Variants in PALM2AKAP2 observed in about 807,000 individuals in gnomAD.
PALM2AKAP2 encodes the protein PALM2 and AKAP2 fusion.
Under a neutral mutation model 71.5 loss-of-function variants are expected in PALM2AKAP2, and 37 were observed. The observed-to-expected ratio is 0.52, with a 90% CI of 0.40 to 0.68. PALM2AKAP2 has a LOEUF of 0.68. PALM2AKAP2 is among the 30% of genes least tolerant of loss of function. PALM2AKAP2 has a pLI of 0.00. For missense variants in PALM2AKAP2, 1,224 were observed against 1,191.8 expected (o/e 1.03, Z -0.40); for synonymous variants, 468 against 478.8 (o/e 0.98, Z 0.29).
intron 6 of PALM2AKAP2, among the ~76,000 whole-genome samples, chr9:109,974,913 C>G (rs1384553344): frequency 2.0e-5 from 3 of 152,160 alleles, no homozygotes; most frequent in African/African-American, 7.2e-5. Flanking sequence ...GCACATATGT[C>G]CCATAGGGGA....
rs538864395 is a variant in PALM2AKAP2, at chr9:110,121,585, T to C, written c.157-14542T>C. 2.0e-5 allele frequency among the ~76,000 whole-genome samples: 3 copies of C among 152,352 alleles called. No homozygotes were observed. In the East Asian group the frequency reaches 5.8e-4, roughly 29 times the overall value. ...CTCTTAACTGTGTTTGAAGCCAGCC[T>C]CTCTACCCTGAGGACCTCATTCCTT... On this transcript the variant is annotated intron_variant, in intron 1 of 3. Transcript: ENST00000374525.
intron 1 of PALM2AKAP2, among the ~76,000 whole-genome samples, chr9:109,817,510 C>T (rs1827883885): frequency 6.6e-6 from 1 of 152,178 alleles, no homozygotes; most frequent in South Asian, 2.1e-4. Context: ...AAGCAAACAA[C>T]AAACAATTGT....
Position 109,967,411 on chromosome 9 carries a change from C to CT in PALM2AKAP2, c.496+35399dup, listed in dbSNP as rs561453860. The stretch of plus-strand genomic sequence containing the variant: ...AGGGTAGCGCAGTGAGACTCCGTGT[C>CT]TTTTTTTTTTTTTTTTGAGACAGAG... On this transcript the variant is annotated intron_variant, in intron 6 of 9. Transcript: ENST00000302798. Among the ~76,000 whole-genome samples the CT allele has an allele frequency of 9.4e-3, 1,340 of 141,982 alleles. 17 individuals are homozygous for CT. Among genetic ancestry groups the CT allele is most frequent in the African/African-American group, 0.025 (955 of 38,938 alleles). 93.1% of individuals were successfully genotyped at this position (141,982 alleles called of 152,430 possible).
intron 7 of PALM2AKAP2, among the ~76,000 whole-genome samples, chr9:110,028,493 G>T (rs1209322121): frequency 6.6e-6 from 1 of 152,162 alleles, no homozygotes; most frequent in Non-Finnish European, 1.5e-5. Context: ...CTCTGCTAAG[G>T]AGAAACTGTT....
intron 1 of PALM2AKAP2, 76 bp downstream of exon 1, chr9:109,780,609 C>G: frequency 6.3e-7 from 1 of 1,590,064 alleles, no homozygotes; most frequent in Non-Finnish European, 8.6e-7. Context: ...TCGGGGCAAG[C>G]GGCATGCCAG....
At chr9:109,915,221 C>A in intron 3 of PALM2AKAP2, among the ~76,000 whole-genome samples, 1 of 152,162 alleles carries the variant, frequency 6.6e-6, no homozygotes, top group Non-Finnish European at 1.5e-5. Flanking sequence ...TACGATGGGC[C>A]TAAGTGTCCC....
At chr9:109,883,241 C>T (rs748998852) in intron 3 of PALM2AKAP2, among the ~76,000 whole-genome samples, 1 of 152,132 alleles carries the variant, frequency 6.6e-6, no homozygotes, top group African/African-American at 2.4e-5. Flanking sequence ...ACGTCCTTTA[C>T]GTCAATGGAA....
chr9:109,835,187 G>T (rs529050344), intron 1 of PALM2AKAP2, among the ~76,000 whole-genome samples: 1 of 150,122 alleles, frequency 6.7e-6, no homozygotes, highest in South Asian at 2.1e-4. Context: ...AGGGAAAGAG[G>T]AGAGGGTGTA....
At chr9:110,116,242 T>C (rs1260317530) in intron 1 of PALM2AKAP2, among the ~76,000 whole-genome samples, 2 of 152,322 alleles carry the variant, frequency 1.3e-5, no homozygotes, top group Admixed American at 6.5e-5. Flanking sequence ...ATAAGAGATA[T>C]GGTGCTTTTT....
At chr9:109,929,158 G>A (rs1469546900) in intron 5 of PALM2AKAP2, among the ~76,000 whole-genome samples, 1 of 149,756 alleles carries the variant, frequency 6.7e-6, no homozygotes, top group Non-Finnish European at 1.5e-5. Context: ...AAAATTCCCT[G>A]TCTGTAAGTA....
upstream of PALM2AKAP2, among the ~76,000 whole-genome samples, chr9:109,776,840 C>T (rs1406458247): frequency 6.6e-6 from 1 of 152,204 alleles, no homozygotes; most frequent in Non-Finnish European, 1.5e-5. Context: ...ATCCGCAACA[C>T]TGAATAAACA....
At chr9:109,886,614 G>C (rs1304229587) in intron 3 of PALM2AKAP2, among the ~76,000 whole-genome samples, 2 of 152,310 alleles carry the variant, frequency 1.3e-5, no homozygotes, top group Admixed American at 1.3e-4. Context: ...ATCATTTGCT[G>C]TGTGACCTTG....
intron 1 of PALM2AKAP2, among the ~76,000 whole-genome samples, chr9:109,703,717 GA>G (rs1828098639): frequency 6.8e-6 from 1 of 146,440 alleles, no homozygotes; most frequent in African/African-American, 2.4e-5. Flanking sequence ...CCTGCAGTGT[GA>G]TTGTGTTTCA....
intron 1 of PALM2AKAP2, among the ~76,000 whole-genome samples, chr9:109,688,164 T>C (rs1325257854): frequency 1.3e-5 from 2 of 152,216 alleles, no homozygotes; most frequent in Non-Finnish European, 2.9e-5. Context: ...AAATGCGACA[T>C]AGAGACACGA....
At chr9:109,803,515 G>C (rs1227082942) in intron 1 of PALM2AKAP2, among the ~76,000 whole-genome samples, 1 of 152,172 alleles carries the variant, frequency 6.6e-6, no homozygotes, top group African/African-American at 2.4e-5. Flanking sequence ...GGTCTACCTT[G>C]GAGATGCATT....
In PALM2AKAP2 at chr9:110,091,513, G is replaced by A. The variant is rs1345874732; in HGVS notation, c.156+42658G>A. 2.6e-4 allele frequency among the ~76,000 whole-genome samples: 36 copies of A among 139,156 alleles called. 1 individual carries two copies. The highest frequency in any genetic ancestry group is 2.3e-4 in the South Asian group (1 of 4,344). 91.3% of individuals were successfully genotyped at this position (139,156 alleles called of 152,430 possible). On this transcript the variant is annotated intron_variant, in intron 1 of 3. Transcript: ENST00000374525. ...AGTCTTGCTCTGTCGCCCAGGCTGG[G>A]GTGCAGTAGCACGATCTCCGCTCAC...
chr9:109,842,413 C>T (rs1828721243), intron 1 of PALM2AKAP2, among the ~76,000 whole-genome samples: 1 of 152,136 alleles, frequency 6.6e-6, no homozygotes, highest in African/African-American at 2.4e-5. Context: ...TCATTCATTC[C>T]CTTGCAGCCT....
intron 1 of PALM2AKAP2, among the ~76,000 whole-genome samples, chr9:110,086,273 G>C (rs1008422347): frequency 2.0e-5 from 3 of 152,072 alleles, no homozygotes; most frequent in Non-Finnish European, 4.4e-5. Context: ...GGTAAAAATG[G>C]ATTAAAATAT....
intron 6 of PALM2AKAP2, among the ~76,000 whole-genome samples, chr9:109,987,198 T>C (rs1037931303): frequency 1.3e-5 from 2 of 152,144 alleles, no homozygotes; most frequent in African/African-American, 4.8e-5. Flanking sequence ...TGGCATGGTC[T>C]CAGCTCACTA....
Sources: gnomAD v4.1 joint callset for allele counts (sites outside exome capture counted in the v4.1 genomes callset) on GRCh38, gnomAD v4.1.1 for gene constraint, MANE v1.5 for transcripts, NCBI Gene and HGNC (gene_info 2026-07-23, HGNC 2026-07-21) for gene names.